The following HS6ST3 variants were observed in gnomAD, a reference collection of about 807,000 sequenced individuals.
HS6ST3 encodes heparan-sulfate 6-O-sulfotransferase 3.
Under a neutral mutation model 36.7 loss-of-function variants are expected in HS6ST3, and 12 were observed. That is an observed-to-expected ratio of 0.33 (90% CI 0.21 to 0.53). The LOEUF (loss-of-function observed/expected upper bound fraction) is 0.53. HS6ST3 is among the 20% of genes least tolerant of loss of function. The probability of loss-of-function intolerance (pLI) is 0.95; values close to 1 mark genes in which losing one functional copy is unlikely to be tolerated. For synonymous variants in HS6ST3, 240 were observed against 257.5 expected (o/e 0.93, Z 0.65); for missense variants, 584 against 640.9 (o/e 0.91, Z 0.96).
In HS6ST3 at chr13:96,837,230, T is replaced by C. The variant is rs1477471081; in HGVS notation, c.*4032T>C. 2 of 152,242 alleles carry C rather than the reference T, an allele frequency of 1.3e-5. No homozygotes were observed. Among genetic ancestry groups the C allele is most frequent in the African/African-American group, 4.8e-5 (2 of 41,464 alleles). The allele number at this position is 152,242 out of a possible 1,614,324, so 9.4% of individuals were successfully genotyped here. On this transcript the variant is annotated 3_prime_UTR_variant, in exon 2 of 2. Coordinates refer to ENST00000376705, the MANE Select transcript of HS6ST3 (RefSeq NM_153456.4). ...TATTTAAGTGCTTTTTAATGTCACT[T>C]ACTTCATCATATGTTTTGCGAAAGA... is the stretch of plus-strand genomic sequence containing the variant.
chr13:96,235,816 A>T (rs2054531921), intron 1 of HS6ST3, among the ~76,000 whole-genome samples: 1 of 152,284 alleles, frequency 6.6e-6, no homozygotes, highest in South Asian at 2.1e-4. Flanking sequence ...TGGCTGTATT[A>T]GTCAGGGTTC....
intron 1 of HS6ST3, among the ~76,000 whole-genome samples, chr13:96,243,487 T>A (rs1478232664): frequency 1.3e-5 from 2 of 152,206 alleles, no homozygotes; most frequent in East Asian, 3.9e-4. Context: ...ACCTTGATAA[T>A]GCTAGTCTGC....
chr13:96,811,609 GT>G (rs139353244), intron 1 of HS6ST3, among the ~76,000 whole-genome samples: 24,500 of 152,094 alleles, frequency 0.16, 2,074 homozygotes, highest in African/African-American at 0.19. Flanking sequence ...TAGTATTTAA[GT>G]TATCTGTTGA....
rs181870864 is a variant in HS6ST3, at chr13:96,246,814, A to G, written c.707+155245A>G. ...CTTCCCCACGATGGAATGGATTTCC[A>G]TCAGGAGAGGATTTATAACTTTATG... On this transcript the variant is annotated intron_variant, in intron 1 of 1. Transcript: ENST00000376705. Among the ~76,000 whole-genome samples the G allele has an allele frequency of 3.9e-5, 6 of 152,314 alleles. No homozygotes were observed. The East Asian group carries it at 9.6e-4, about 24-fold the overall frequency.
At position 96,476,108 on chromosome 13, in the gene HS6ST3, T is replaced by C. The variant is rs143756384; in HGVS notation, c.708-356382T>C. Among the ~76,000 whole-genome samples the C allele has an allele frequency of 2.5e-3, 377 of 152,280 alleles. 3 individuals are homozygous for C. The highest frequency in any genetic ancestry group is 8.8e-3 in the African/African-American group (366 of 41,552). On this transcript the variant is annotated intron_variant, in intron 1 of 1. Coordinates refer to ENST00000376705, the MANE Select transcript of HS6ST3 (RefSeq NM_153456.4). ...CTACATTTCTGTTAAAAGGGATGAA[T>C]GGTACATTCTCATAGCTGGTGAAAG...
At chr13:96,352,755 A>G (rs1420430424) in intron 1 of HS6ST3, among the ~76,000 whole-genome samples, 1 of 152,186 alleles carries the variant, frequency 6.6e-6, no homozygotes, top group Non-Finnish European at 1.5e-5. Flanking sequence ...TAGCCAGAAA[A>G]TGTTCTAGAA....
At chr13:96,631,964 G>A (rs1486124742) in intron 1 of HS6ST3, among the ~76,000 whole-genome samples, 4 of 152,142 alleles carry the variant, frequency 2.6e-5, no homozygotes, top group East Asian at 1.9e-4. Context: ...GGGCTCTTCC[G>A]TTGATTGGAC....
At chr13:96,512,366 T>C (rs1026740353) in intron 1 of HS6ST3, among the ~76,000 whole-genome samples, 2 of 152,228 alleles carry the variant, frequency 1.3e-5, no homozygotes, top group African/African-American at 4.8e-5. Context: ...CTAACTGTTC[T>C]TGAAACTTTT....
At chr13:96,552,033 T>C (rs924909183) in intron 1 of HS6ST3, among the ~76,000 whole-genome samples, 1 of 152,196 alleles carries the variant, frequency 6.6e-6, no homozygotes, top group African/African-American at 2.4e-5. Flanking sequence ...ATAAGTCAGC[T>C]GTTATTTTTT....
chr13:96,407,407 G>T (rs1347024043), intron 1 of HS6ST3, among the ~76,000 whole-genome samples: 1 of 152,150 alleles, frequency 6.6e-6, no homozygotes, highest in Non-Finnish European at 1.5e-5. Context: ...CTAAGTCTTG[G>T]TTCTTTCACT....
intron 1 of HS6ST3, among the ~76,000 whole-genome samples, chr13:96,742,112 C>T (rs1876455918): frequency 6.6e-6 from 1 of 152,092 alleles, no homozygotes; most frequent in African/African-American, 2.4e-5. Flanking sequence ...AAGTGCTTCA[C>T]TTACTTTGAA....
chr13:96,606,744 A>G (rs1027008251), intron 1 of HS6ST3, among the ~76,000 whole-genome samples: 9 of 152,130 alleles, frequency 5.9e-5, no homozygotes, highest in African/African-American at 4.8e-5. Context: ...AGATCTGCCC[A>G]TGTATCTCCT....
intron 1 of HS6ST3, among the ~76,000 whole-genome samples, chr13:96,470,486 C>T (rs2055835324): frequency 6.6e-6 from 1 of 152,064 alleles, no homozygotes; most frequent in South Asian, 2.1e-4. Flanking sequence ...CAAAAGAAAC[C>T]CTCTTCAAGA....
chr13:96,519,232 T>A (rs926368317), intron 1 of HS6ST3, among the ~76,000 whole-genome samples: 1 of 152,218 alleles, frequency 6.6e-6, no homozygotes, highest in Admixed American at 6.5e-5. Context: ...TGTTAATGAC[T>A]GGTGGTCTCA....
At chr13:96,418,823 G>A (rs1167390434) in intron 1 of HS6ST3, among the ~76,000 whole-genome samples, 1 of 152,194 alleles carries the variant, frequency 6.6e-6, no homozygotes, top group Non-Finnish European at 1.5e-5. Context: ...CTTGCTTCTC[G>A]ACTCTAACTC....
chr13:96,785,399 C>CA (rs2138516540), intron 1 of HS6ST3, among the ~76,000 whole-genome samples: 1 of 142,994 alleles, frequency 7.0e-6, no homozygotes, highest in East Asian at 1.9e-4. Flanking sequence ...TCAGATCAGT[C>CA]AAAATCACAC....
At chr13:96,503,639 T>C (rs1214496905) in intron 1 of HS6ST3, among the ~76,000 whole-genome samples, 1 of 152,042 alleles carries the variant, frequency 6.6e-6, no homozygotes, top group African/African-American at 2.4e-5. Context: ...TTCCAGAACA[T>C]CAAAGAAACT....
At chr13:96,566,110 GA>G (rs36091104) in intron 1 of HS6ST3, among the ~76,000 whole-genome samples, 376 of 144,518 alleles carry the variant, frequency 2.6e-3, no homozygotes, top group Non-Finnish European at 3.8e-3. Context: ...TATGCTACTT[GA>G]AAAAAAAAAG....
chr13:96,553,738 T>C (rs1018606461), intron 1 of HS6ST3, among the ~76,000 whole-genome samples: 3 of 152,212 alleles, frequency 2.0e-5, no homozygotes, highest in Admixed American at 6.5e-5. Context: ...CAGAGCTTTC[T>C]TGAATATTTT....
Sources: allele counts gnomAD v4.1 joint callset (sites outside exome capture counted in the v4.1 genomes callset), GRCh38; gene constraint gnomAD v4.1.1; transcripts MANE v1.5; gene names NCBI Gene and HGNC (gene_info 2026-07-23, HGNC 2026-07-21).